The following GALNT10 variants were observed in gnomAD, a reference collection of about 807,000 sequenced individuals.
The protein encoded by GALNT10 is GalNAc transferase 10.
A neutral mutation model predicts 75.0 loss-of-function variants in GALNT10; 41 were observed. The observed-to-expected ratio is 0.55, with a 90% CI of 0.43 to 0.71. The LOEUF is 0.71. GALNT10 is among the 30% of genes least tolerant of loss of function. GALNT10 has a pLI of 0.00. For missense variants in GALNT10, 727 were observed against 818.5 expected, an observed-to-expected ratio of 0.89 and a Z score of 1.36; for synonymous variants, 302 against 313.0, an observed-to-expected ratio of 0.96 and a Z score of 0.37.
At chr5:154,413,688 G>C (rs1756446368) in intron 10 of GALNT10, among the ~76,000 whole-genome samples, 1 of 152,230 alleles carries the variant, frequency 6.6e-6, no homozygotes, top group African/African-American at 2.4e-5. Context: ...AAGCTTAGGG[G>C]AGGCTTGCTT....
chr5:154,294,984 G>A, intron 2 of GALNT10, 66 bp downstream of exon 2: 1 of 602,540 alleles, frequency 1.7e-6, no homozygotes, highest in East Asian at 2.6e-5. Context: ...GCTTGTGTGT[G>A]TGTGTGTGTG....
At chr5:154,386,558 T>A (rs1370108640) in intron 7 of GALNT10, 128 bp downstream of exon 7, 3 of 442,066 alleles carry the variant, frequency 6.8e-6, no homozygotes, top group South Asian at 3.3e-5. Flanking sequence ...CTTCTGCCCA[T>A]CAGGTGAAGA....
chr5:154,308,628 G>A (rs556346893), intron 3 of GALNT10, among the ~76,000 whole-genome samples: 12 of 152,236 alleles, frequency 7.9e-5, no homozygotes, highest in African/African-American at 2.2e-4. Flanking sequence ...CCCAACTGAC[G>A]TATCCAGAGC....
chr5:154,207,097 A>G (rs985076273), intron 1 of GALNT10, among the ~76,000 whole-genome samples: 3 of 152,220 alleles, frequency 2.0e-5, no homozygotes, highest in Non-Finnish European at 2.9e-5. Context: ...CTTTGCATAC[A>G]TTATCATCTT....
chr5:154,410,525 C>T (rs897712142), intron 9 of GALNT10, among the ~76,000 whole-genome samples: 1 of 152,208 alleles, frequency 6.6e-6, no homozygotes, highest in Non-Finnish European at 1.5e-5. Context: ...GCACTCCAGC[C>T]TGGTGACAGA....
chr5:154,213,339 T>C (rs940007501), intron 1 of GALNT10, among the ~76,000 whole-genome samples: 1 of 152,170 alleles, frequency 6.6e-6, no homozygotes, highest in Admixed American at 6.5e-5. Context: ...TTCCTACAGG[T>C]CTTAAATGAC....
chr5:154,321,492 T>A (rs576750142), intron 3 of GALNT10, among the ~76,000 whole-genome samples: 204 of 152,036 alleles, frequency 1.3e-3, no homozygotes, highest in Non-Finnish European at 2.5e-3. Flanking sequence ...TTTGTTAGTT[T>A]GTTTTTTTTA....
chr5:154,382,780 G>C (rs534590908), intron 6 of GALNT10, among the ~76,000 whole-genome samples: 47 of 152,296 alleles, frequency 3.1e-4, no homozygotes, highest in African/African-American at 1.1e-3. Flanking sequence ...TCATTGAAAG[G>C]TACTTAAGGA....
rs562441867 is a variant in GALNT10 at position 154,215,082 on chromosome 5, G to T, written c.159+24057G>T. On this transcript the variant is annotated intron_variant, in intron 1 of 11. Transcript: ENST00000297107. ...GATTCTTAAAAATTAATTTTAAAAG[G>T]GTTGCCTTTATTTTTAGAAACAGAG... Among the ~76,000 whole-genome samples, 60 of 152,274 alleles carry T rather than the reference G, an allele frequency of 3.9e-4. 1 individual carries two copies. In the South Asian group the frequency reaches 0.012, roughly 31 times the overall value.
At chr5:154,353,583 G>C (rs1043081702) in intron 4 of GALNT10, among the ~76,000 whole-genome samples, 1 of 152,238 alleles carries the variant, frequency 6.6e-6, no homozygotes, top group Non-Finnish European at 1.5e-5. Flanking sequence ...CCGAGCCCTT[G>C]CCACAAACCA....
intron 4 of GALNT10, among the ~76,000 whole-genome samples, chr5:154,331,898 C>T (rs536681784): frequency 1.2e-4 from 18 of 152,306 alleles, no homozygotes; most frequent in Non-Finnish European, 2.9e-5. Flanking sequence ...TATATTCTCT[C>T]ATTTATTCTT....
At chr5:154,221,941 T>G (rs1752986044) in intron 1 of GALNT10, among the ~76,000 whole-genome samples, 5 of 152,202 alleles carry the variant, frequency 3.3e-5, no homozygotes, top group Admixed American at 3.3e-4. Context: ...TAAGTATTGG[T>G]ACTTTTTTTT....
intron 2 of GALNT10, among the ~76,000 whole-genome samples, chr5:154,297,200 T>C (rs1013910674): frequency 1.3e-5 from 2 of 152,148 alleles, no homozygotes; most frequent in East Asian, 3.9e-4. Flanking sequence ...CTTCTCCAGA[T>C]GGGTTGTGCA....
chr5:154,343,488 C>T (rs1051804367), intron 4 of GALNT10, among the ~76,000 whole-genome samples: 13 of 152,080 alleles, frequency 8.5e-5, no homozygotes, highest in Non-Finnish European at 1.9e-4. Flanking sequence ...CAAGTTGGGC[C>T]GGCCTTGTGA....
intron 1 of GALNT10, among the ~76,000 whole-genome samples, chr5:154,237,543 G>A (rs966348626): frequency 4.6e-5 from 7 of 152,204 alleles, no homozygotes; most frequent in Non-Finnish European, 1.0e-4. Flanking sequence ...GTGAGACCTT[G>A]GACAGATCCC....
intron 1 of GALNT10, among the ~76,000 whole-genome samples, chr5:154,231,544 AT>A (rs1581930356): frequency 6.6e-6 from 1 of 151,926 alleles, no homozygotes; most frequent in South Asian, 2.1e-4. Context: ...TTTTGATTTT[AT>A]TTTTTACCAT....
At chr5:154,371,570 ACACACACACACACG>A (rs1755569331) in intron 4 of GALNT10, among the ~76,000 whole-genome samples, 4 of 54,712 alleles carry the variant, frequency 7.3e-5, no homozygotes, top group Non-Finnish European at 1.7e-4. Context: ...GTGTACACAC[ACACACACACACACG>A]TGTGCACACA....
At chr5:154,388,056 C>G (rs903544221) in intron 7 of GALNT10, 1 of 152,012 alleles carries the variant, frequency 6.6e-6, no homozygotes, top group African/African-American at 2.4e-5. Flanking sequence ...AGGCGCCCAC[C>G]ACCACGCCCA....
chr5:154,209,587 A>G (rs34738939), intron 1 of GALNT10, among the ~76,000 whole-genome samples: 8,169 of 152,248 alleles, frequency 0.054, 348 homozygotes, highest in African/African-American at 0.11. Flanking sequence ...TGGTTTATAG[A>G]CAGTGACTTT....
Sources: gnomAD v4.1 joint callset for allele counts (sites outside exome capture counted in the v4.1 genomes callset) on GRCh38, gnomAD v4.1.1 for gene constraint, MANE v1.5 for transcripts, NCBI Gene and HGNC (gene_info 2026-07-23, HGNC 2026-07-21) for gene names.